STK32B: variants seen among roughly 807,000 people sequenced by gnomAD.
STK32B encodes serine/threonine kinase 32B, also known as serine/threonine-protein kinase 32B.
Under a neutral mutation model 52.6 loss-of-function variants are expected in STK32B, and 43 were observed. The observed-to-expected ratio is 0.82, with a 90% CI of 0.64 to 1.05. The LOEUF (loss-of-function observed/expected upper bound fraction) is 1.05. Among genes scored for constraint, STK32B ranks in the 50% least tolerant of loss-of-function variants. STK32B has a pLI of 0.00. For missense variants in STK32B, 621 were observed against 534.6 expected (o/e 1.16, Z -1.59); for synonymous variants, 238 against 204.3 (o/e 1.17, Z -1.41).
chr4:5,344,499 T>A (rs184634186), intron 4 of STK32B, among the ~76,000 whole-genome samples: 3,320 of 152,264 alleles, frequency 0.022, 113 homozygotes, highest in African/African-American at 0.074. Flanking sequence ...ACTCACAGTC[T>A]TCTTTTACAA....
intron 1 of STK32B, among the ~76,000 whole-genome samples, chr4:5,060,470 A>C (rs1464707798): frequency 6.6e-6 from 1 of 151,518 alleles, no homozygotes; most frequent in Non-Finnish European, 1.5e-5. Flanking sequence ...TTTTGCTTTA[A>C]TTTTTATTTG....
At position 5,163,866 on chromosome 4, in the gene STK32B, G is replaced by T. The variant is rs1079377; in HGVS notation, c.109-4433G>T. ...GACCCATGGAGAGAGGACACTTTGC[G>T]AGAGGCTAAGGGTTTGGTTCCAGGC... On this transcript the variant is annotated intron_variant, in intron 2 of 11. Coordinates refer to ENST00000282908, the MANE Select transcript of STK32B (RefSeq NM_018401.3). Among the ~76,000 whole-genome samples the T allele has an allele frequency of 7.9e-5, 12 of 151,548 alleles. 1 individual carries two copies. The highest frequency in any genetic ancestry group is 5.2e-4 in the Admixed American group (8 of 15,242).
intron 6 of STK32B, among the ~76,000 whole-genome samples, chr4:5,418,890 T>A (rs1712395257): frequency 6.6e-6 from 1 of 152,216 alleles, no homozygotes; most frequent in Non-Finnish European, 1.5e-5. Context: ...GAGGCTTAGT[T>A]TGGACATGGT....
intron 3 of STK32B, among the ~76,000 whole-genome samples, chr4:5,230,834 G>C (rs529211278): frequency 6.6e-6 from 1 of 152,306 alleles, no homozygotes; most frequent in South Asian, 2.1e-4. Context: ...CAGAACAAGA[G>C]GGGGTAAGAG....
At chr4:5,168,275 T>A (rs1719044534) in intron 2 of STK32B, 24 bp from the exon 3 acceptor site, 1 of 1,598,252 alleles carries the variant, frequency 6.3e-7, no homozygotes, top group Non-Finnish European at 8.6e-7. Flanking sequence ...GGCCTGACTG[T>A]TCTCTCCTTT....
At chr4:5,053,910 C>T (rs543213440) in intron 1 of STK32B, among the ~76,000 whole-genome samples, 10 of 151,656 alleles carry the variant, frequency 6.6e-5, no homozygotes, top group African/African-American at 1.9e-4. Context: ...ACCCGGGAGG[C>T]GGAGGTTGCA....
chr4:5,497,184 G>A (rs1046835135), intron 11 of STK32B, among the ~76,000 whole-genome samples: 1 of 152,176 alleles, frequency 6.6e-6, no homozygotes, highest in African/African-American at 2.4e-5. Flanking sequence ...ATTTGAACAT[G>A]TTAGCAGCTG....
At chr4:5,256,021 A>G (rs958665652) in intron 3 of STK32B, among the ~76,000 whole-genome samples, 7 of 152,186 alleles carry the variant, frequency 4.6e-5, no homozygotes, top group South Asian at 2.1e-4. Context: ...TATATTGACT[A>G]TACTGAATCT....
At chr4:5,115,488 G>A (rs1236768036) in intron 1 of STK32B, among the ~76,000 whole-genome samples, 1 of 152,188 alleles carries the variant, frequency 6.6e-6, no homozygotes, top group Non-Finnish European at 1.5e-5. Flanking sequence ...CAAAGACAAA[G>A]GAGAAAAGCA....
intron 3 of STK32B, among the ~76,000 whole-genome samples, chr4:5,289,086 C>T (rs1728721825): frequency 6.6e-6 from 1 of 152,122 alleles, no homozygotes; most frequent in Non-Finnish European, 1.5e-5. Context: ...ACAGAGTATA[C>T]TTGCACAAAT....
At chr4:5,466,565 A>T in intron 9 of STK32B, 138 bp from the exon 10 acceptor site, 2 of 1,185,466 alleles carry the variant, frequency 1.7e-6, no homozygotes, top group Non-Finnish European at 2.3e-6. Context: ...GAAAACAGAA[A>T]CAAAGGTAAC....
chr4:5,282,962 A>C (rs1301828773), intron 3 of STK32B, among the ~76,000 whole-genome samples: 1 of 152,212 alleles, frequency 6.6e-6, no homozygotes, highest in Non-Finnish European at 1.5e-5. Context: ...GGGAAACTAC[A>C]GTATACAATA....
At chr4:5,253,320 G>A (rs1398049805) in intron 3 of STK32B, among the ~76,000 whole-genome samples, 1 of 152,040 alleles carries the variant, frequency 6.6e-6, no homozygotes, top group Non-Finnish European at 1.5e-5. Context: ...TTGGGCAAAG[G>A]CGATTACTTT....
intron 11 of STK32B, among the ~76,000 whole-genome samples, chr4:5,492,431 C>G (rs1420689541): frequency 6.6e-6 from 1 of 152,028 alleles, no homozygotes; most frequent in Non-Finnish European, 1.5e-5. Context: ...ATTTTGTATC[C>G]TGAGACTTTG....
Position 5,399,290 on chromosome 4 carries a change from G to A in STK32B, c.472+1046G>A, listed in dbSNP as rs115095710. Among the ~76,000 whole-genome samples, 2,413 of 152,186 alleles carry A rather than the reference G, an allele frequency of 0.016. 33 individuals are homozygous for A. The highest frequency in any genetic ancestry group is 0.024 in the Middle Eastern group (7 of 294). The stretch of plus-strand genomic sequence containing the variant: ...GGGATGAATGAGTCACATTTTCTAC[G>A]CAGCTCCCCCACCCTCCTTCCCCAC... On this transcript the variant is annotated intron_variant, in intron 5 of 11. Transcript: ENST00000282908. This position sits in a 1 kb window ranked among gnomAD's most constrained non-coding sequence, Gnocchi z 5.4.
At chr4:5,454,623 G>A (rs6446361) in intron 7 of STK32B, among the ~76,000 whole-genome samples, 8,592 of 152,156 alleles carry the variant, frequency 0.056, 458 homozygotes, top group African/African-American at 0.14. Flanking sequence ...TTCCCCTGTA[G>A]CAGCAGTGGT....
At chr4:5,248,332 C>T (rs1214548351) in intron 3 of STK32B, among the ~76,000 whole-genome samples, 1 of 152,184 alleles carries the variant, frequency 6.6e-6, no homozygotes, top group Non-Finnish European at 1.5e-5. Flanking sequence ...AGTAATGCCC[C>T]AAGGATAGCT....
chr4:5,327,728 A>G (rs1197713130), intron 3 of STK32B, among the ~76,000 whole-genome samples: 1 of 152,194 alleles, frequency 6.6e-6, no homozygotes, highest in East Asian at 1.9e-4. Flanking sequence ...GTAAATGAGC[A>G]TTGGCTTCAA....
At chr4:5,291,379 C>T (rs1728884730) in intron 3 of STK32B, among the ~76,000 whole-genome samples, 1 of 151,952 alleles carries the variant, frequency 6.6e-6, no homozygotes, top group Admixed American at 6.6e-5. Flanking sequence ...ACTGCTTTCA[C>T]CAAATGTATT....
Sources: gnomAD v4.1 joint callset for allele counts (sites outside exome capture counted in the v4.1 genomes callset) on GRCh38, gnomAD v4.1.1 for gene constraint, Gnocchi (gnomAD v3.1) non-coding constraint, MANE v1.5 for transcripts, NCBI Gene and HGNC (gene_info 2026-07-23, HGNC 2026-07-21) for gene names.